The following QRICH2 variants were observed in gnomAD, a reference collection of about 807,000 sequenced individuals.
QRICH2 encodes the protein glutamine rich 2.
A neutral mutation model predicts 168.3 loss-of-function variants in QRICH2; 119 were observed. That is an observed-to-expected ratio of 0.71 (90% CI 0.61 to 0.82). The LOEUF (loss-of-function observed/expected upper bound fraction) is 0.82. Among genes scored for constraint, QRICH2 ranks in the 40% least tolerant of loss-of-function variants. The probability of loss-of-function intolerance (pLI) is 0.00; values close to 1 mark genes in which losing one functional copy is unlikely to be tolerated. For missense variants in QRICH2, 2,241 were observed against 2,491.6 expected, an observed-to-expected ratio of 0.90 and a Z score of 2.14; for synonymous variants, 894 against 951.2, an observed-to-expected ratio of 0.94 and a Z score of 1.11.
chr17:76,290,900 TTCAGGGAC>T (rs1010526496), intron 4 of QRICH2, 107 bp downstream of exon 4: 6 of 1,478,994 alleles, frequency 4.1e-6, no homozygotes, highest in Non-Finnish European at 5.4e-6. Flanking sequence ...ACATGCTGTT[TTCAGGGAC>T]TCAGGGAGAT....
chr17:76,279,924 A>C (rs2070755117), intron 12 of QRICH2, 109 bp downstream of exon 12: 1 of 1,317,268 alleles, frequency 7.6e-7, no homozygotes, highest in Non-Finnish European at 1.0e-6. Context: ...AGTCCTGGGC[A>C]GGATCCGCTG....
chr17:76,306,942 G>T (rs942938311), intron 1 of QRICH2, among the ~76,000 whole-genome samples: 2 of 151,410 alleles, frequency 1.3e-5, no homozygotes, highest in African/African-American at 2.4e-5. Context: ...CTTGTGTCAT[G>T]GCCATAGGAA....
Position 76,290,891 on chromosome 17 carries a change from C to T in QRICH2, c.3712+124G>A, listed in dbSNP as rs2070974113. 3.5e-6 allele frequency: 5 copies of T among 1,424,194 alleles called. No homozygotes were observed. The East Asian group carries it at 6.9e-5, about 20-fold the overall frequency. 88.2% of individuals were successfully genotyped at this position (1,424,194 alleles called of 1,614,324 possible). A position where few individuals can be genotyped will look rare whatever the true frequency, so the allele number is the denominator to read the frequency against. On this transcript the variant is annotated intron_variant, in intron 4 of 18. Coordinates refer to ENST00000680821, the MANE Select transcript of QRICH2 (RefSeq NM_001388453.1). ...AGGCTGTGGGACATGCTCTGAATGA[C>T]ATGCTGTTTTCAGGGACTCAGGGAG...
At chr17:76,295,130 G>A (rs1196882937) in intron 3 of QRICH2, among the ~76,000 whole-genome samples, 4 of 151,474 alleles carry the variant, frequency 2.6e-5, no homozygotes, top group Non-Finnish European at 4.4e-5. Flanking sequence ...GTGGTGGCAC[G>A]TGCCTGTCGT....
rs1292726493 is a variant in QRICH2 at position 76,291,364 on chromosome 17, A to G, written c.3363T>C (p.Ala1121=). 1.2e-6 allele frequency: 2 copies of G among 1,613,958 alleles called. No individual in the cohort carries two copies. ...PGYRGPGYLS[A]DQHGQEGLDP... is the part of the protein sequence containing the mutation. Reference sequence around the variant, plus strand: ...CCAAACCTTCCTGGCCATGCTGATCAGCACTTAGATACCCTGGGCCACGAT... The same window carrying G: ...CCAAACCTTCCTGGCCATGCTGATCGGCACTTAGATACCCTGGGCCACGAT... The change falls in exon 4 of 19, where the codon GCT becomes GCC. Residue 1121 remains alanine (A), a synonymous_variant. Transcript: ENST00000680821.
At chr17:76,305,825 A>G (rs1295109086) in intron 1 of QRICH2, among the ~76,000 whole-genome samples, 1 of 152,178 alleles carries the variant, frequency 6.6e-6, no homozygotes, top group Non-Finnish European at 1.5e-5. Context: ...AAATAAAACA[A>G]GTTACTTTTT....
chr17:76,291,432 C>T lies in QRICH2; in HGVS notation c.3295G>A (p.Ala1099Thr). The change falls in exon 4 of 19, where the codon GCT (alanine) becomes ACT (threonine). Residue 1099 changes from alanine (A) to threonine (T), a missense_variant. This residue lies in a region of QRICH2 where 2,047 missense variants were observed against 2,303.8 expected (regional missense o/e 0.89). Transcript: ENST00000680821. ...TCATGACTGTCAAAGAGAGAGAAAG[C>T]ATGGCCATGCTGAGCTGCATCTGGG... is the stretch of plus-strand genomic sequence containing the variant. ...VYPDAAQHGHAFSLFDSHDSM... is the reference protein window; with the variant it reads ...VYPDAAQHGHTFSLFDSHDSM... 1.9e-6 allele frequency: 3 copies of T among 1,614,136 alleles called. No homozygotes were observed. Among genetic ancestry groups the T allele is most frequent in the East Asian group, 2.2e-5 (1 of 44,876 alleles).
At position 76,291,117 on chromosome 17, in the gene QRICH2, T is replaced by C; in HGVS notation, c.3610A>G (p.Ser1204Gly). The part of the protein sequence containing the change: ...VETFHLMGEL[S>G]SLYVGLKESM... Reference sequence around the variant, plus strand: ...TCCTTTAGCCCCACATAGAGGCTACTGAGCTCTCCCATCAGATGAAATGTC... The same window carrying C: ...TCCTTTAGCCCCACATAGAGGCTACCGAGCTCTCCCATCAGATGAAATGTC... The change falls in exon 4 of 19, where the codon AGT (serine) becomes GGT (glycine). Residue 1204 changes from serine to glycine, a missense_variant. Around this residue, in one of 3 missense-constraint regions of QRICH2, gnomAD observed 2,047 missense variants for 2,303.8 expected, o/e 0.89. Coordinates refer to ENST00000680821, the MANE Select transcript of QRICH2 (RefSeq NM_001388453.1). 1 of 1,614,246 alleles carries C rather than the reference T, an allele frequency of 6.2e-7. No individual in the cohort carries two copies. Among genetic ancestry groups the C allele is most frequent in the East Asian group, 2.2e-5 (1 of 44,888 alleles).
chr17:76,285,223 C>T (rs2070860924), intron 7 of QRICH2, among the ~76,000 whole-genome samples: 1 of 151,982 alleles, frequency 6.6e-6, no homozygotes, highest in South Asian at 2.1e-4. Context: ...CCTCTGCCTC[C>T]CAGATTCAAG....
At chr17:76,299,049 T>A (rs1372406201) in intron 3 of QRICH2, among the ~76,000 whole-genome samples, 1 of 152,076 alleles carries the variant, frequency 6.6e-6, no homozygotes, top group East Asian at 1.9e-4. Flanking sequence ...GGGGGCCCTC[T>A]GCTGATGGCA....
In QRICH2 at chr17:76,293,663, C is replaced by G. The variant is rs763429605; in HGVS notation, c.1064G>C (p.Arg355Thr). The change falls in exon 4 of 19, where the codon AGA (arginine) becomes ACA (threonine). Residue 355 changes from arginine to threonine, a missense_variant. Physicochemically the swap from Arg to Thr is moderately conservative, Grantham distance 71. Coordinates refer to ENST00000680821, the MANE Select transcript of QRICH2 (RefSeq NM_001388453.1). The stretch of plus-strand genomic sequence containing the variant: ...TTGAACTGGACCAGGACGTGCATTT[C>G]TTCTTGGTTGTGTCGAGGTAAGCTT... ...REKLTSTQPRRNARPGPVQQD... is the reference protein window; with the variant it reads ...REKLTSTQPRTNARPGPVQQD... 1.2e-6 allele frequency: 2 copies of G among 1,614,220 alleles called. No individual in the cohort carries two copies. The highest frequency in any genetic ancestry group is 1.7e-6 in the Non-Finnish European group (2 of 1,180,042).
At chr17:76,302,911 C>A (rs961765632) in intron 3 of QRICH2, among the ~76,000 whole-genome samples, 12 of 150,680 alleles carry the variant, frequency 8.0e-5, no homozygotes, top group Admixed American at 4.0e-4. Context: ...AGATGGAGTT[C>A]TTGCTCTTGT....
intron 2 of QRICH2, 149 bp from the exon 3 acceptor site, chr17:76,304,674 T>C (rs1445521992): frequency 6.8e-6 from 5 of 734,944 alleles, no homozygotes; most frequent in African/African-American, 1.7e-5. Context: ...CCAGTGAAGG[T>C]TGGGCAGCCA....
chr17:76,299,726 G>C (rs901510539), intron 3 of QRICH2, among the ~76,000 whole-genome samples: 5 of 151,866 alleles, frequency 3.3e-5, no homozygotes. Flanking sequence ...GACAAAGCAA[G>C]ACTGTCTCAA....
rs1004180443 is a variant in QRICH2 at position 76,307,957 on chromosome 17, G to A, written c.42C>T (p.Asp14=). The change falls in exon 1 of 19, where the codon GAC becomes GAT. Residue 14 remains aspartate, a synonymous_variant. Transcript: ENST00000680821. This position sits in a 1 kb window ranked among gnomAD's most constrained non-coding sequence, Gnocchi z 5.3. ...CCACCTCTGGCGTGCCGATGGAGAG[G>A]TCCGCCAGCTCCCGGAGGGAGACCG... The part of the protein sequence containing the change: ...ATTVSLRELA[D]LSIGTPEVGA... 8.1e-7 allele frequency: 1 copy of A among 1,234,534 alleles called. No individual in the cohort carries two copies. The highest frequency in any genetic ancestry group is 1.5e-5 in the African/African-American group (1 of 64,538). 76.5% of individuals were successfully genotyped at this position (1,234,534 alleles called of 1,614,324 possible).
chr17:76,295,457 C>A (rs966378753), intron 3 of QRICH2, among the ~76,000 whole-genome samples: 1 of 151,934 alleles, frequency 6.6e-6, no homozygotes, highest in African/African-American at 2.4e-5. Flanking sequence ...GAGTTCAAGA[C>A]CAGCTTGGCC....
rs927124109 is a variant in QRICH2, at chr17:76,307,763, A to AC, written c.235dup (p.Val79GlyfsTer63). Reference sequence around the variant, plus strand: ...CTTCTCCCGGGGCGCCCCCTTGGGCACCTCCTTGGGCGCGGGCAGGTGCGG... The same window carrying AC: ...CTTCTCCCGGGGCGCCCCCTTGGGCACCCTCCTTGGGCGCGGGCAGGTGCGG... On this transcript the variant is annotated frameshift_variant, in exon 1 of 19. Coordinates refer to ENST00000680821, the MANE Select transcript of QRICH2 (RefSeq NM_001388453.1). LOFTEE classifies it high-confidence loss of function. The surrounding 1 kb of genome is among the most constrained non-coding windows in gnomAD (Gnocchi z 5.3). 2.6e-5 allele frequency: 36 copies of AC among 1,378,622 alleles called. 1 individual carries two copies. In the Admixed American group the frequency reaches 4.7e-4, roughly 18 times the overall value. The allele number at this position is 1,378,622 out of a possible 1,614,324, so 85.4% of individuals were successfully genotyped here. A position where few individuals can be genotyped will look rare whatever the true frequency, so the allele number is the denominator to read the frequency against.
chr17:76,294,121 C>A (rs944258900), intron 3 of QRICH2, 100 bp from the exon 4 acceptor site: 3 of 1,448,208 alleles, frequency 2.1e-6, no homozygotes, highest in Admixed American at 2.4e-5. Flanking sequence ...TGATTTAGGG[C>A]CCCTGGAGAA....
At chr17:76,305,961 G>A (rs111367944) in intron 1 of QRICH2, among the ~76,000 whole-genome samples, 2,880 of 152,086 alleles carry the variant, frequency 0.019, 100 homozygotes, top group African/African-American at 0.066. Context: ...CTTTAGGTCA[G>A]GAGTTCGAGA....
Sources: gnomAD v4.1 joint callset for allele counts (sites outside exome capture counted in the v4.1 genomes callset) on GRCh38, gnomAD v4.1.1 for gene constraint, gnomAD v4.1.1 regional missense constraint, Gnocchi (gnomAD v3.1) non-coding constraint, MANE v1.5 for transcripts, NCBI Gene and HGNC (gene_info 2026-07-23, HGNC 2026-07-21) for gene names.